The following GSAP variants were observed in gnomAD, a reference collection of about 807,000 sequenced individuals.
The protein encoded by GSAP is gamma-secretase activating protein.
GSAP carries 118 observed loss-of-function variants against 131.7 expected under a neutral mutation model. The observed-to-expected ratio is 0.90, with a 90% CI of 0.77 to 1.04. The LOEUF is 1.04. GSAP is among the 50% of genes least tolerant of loss of function. The pLI, the probability that GSAP is intolerant of heterozygous loss-of-function variation, is 0.00. For missense variants in GSAP, 1,019 were observed against 1,013.2 expected, an observed-to-expected ratio of 1.01 and a Z score of -0.08; for synonymous variants, 381 against 363.4, an observed-to-expected ratio of 1.05 and a Z score of -0.55.
chr7:77,335,823 C>G (rs1210722467), intron 19 of GSAP, among the ~76,000 whole-genome samples: 1 of 152,238 alleles, frequency 6.6e-6, no homozygotes, highest in Admixed American at 6.5e-5. Flanking sequence ...TCAACTAGCA[C>G]AGCTAAAGCA....
chr7:77,381,126 A>T (rs2151033546), intron 8 of GSAP, among the ~76,000 whole-genome samples, 179 bp downstream of exon 8: 1 of 152,332 alleles, frequency 6.6e-6, no homozygotes, highest in African/African-American at 2.4e-5. Context: ...GAAAAAGGGG[A>T]TAATTAACTT....
At chr7:77,394,211 T>C (rs1447196491) in intron 5 of GSAP, among the ~76,000 whole-genome samples, 1 of 152,220 alleles carries the variant, frequency 6.6e-6, no homozygotes, top group Non-Finnish European at 1.5e-5. Context: ...ACCTTTACAA[T>C]GGCCTCCTTG....
intron 19 of GSAP, among the ~76,000 whole-genome samples, chr7:77,343,988 GC>G (rs1287121160): frequency 1.3e-5 from 2 of 152,100 alleles, no homozygotes; most frequent in African/African-American, 4.8e-5. Context: ...TTGAGGATTT[GC>G]CCCTGCCCAG....
chr7:77,393,128 A>T lies in GSAP; in HGVS notation c.367+3854T>A, dbSNP rs558118880. On this transcript the variant is annotated intron_variant, in intron 5 of 30. Transcript: ENST00000257626. ...ATCAAAGAACCCTGTTTACAAAAAA[A>T]TGGTACAATTTGTCTCATCTACAGT... Among the ~76,000 whole-genome samples, 3 of 152,332 alleles carry T rather than the reference A, an allele frequency of 2.0e-5. No homozygotes were observed. The South Asian group carries it at 6.2e-4, about 32-fold the overall frequency.
chr7:77,348,680 T>TC (rs764709086), intron 19 of GSAP, among the ~76,000 whole-genome samples: 2 of 152,034 alleles, frequency 1.3e-5, no homozygotes, highest in Admixed American at 1.3e-4. Flanking sequence ...GCTAAAACAC[T>TC]CCCCCTAGTT....
chr7:77,362,626 G>A lies in GSAP; in HGVS notation c.906C>T (p.Ala302=). 1.3e-6 allele frequency: 2 copies of A among 1,584,704 alleles called. No homozygotes were observed. The highest frequency in any genetic ancestry group is 1.7e-6 in the Non-Finnish European group (2 of 1,153,852). The change falls in exon 13 of 31, where the codon GCC becomes GCT. Residue 302 remains alanine, a synonymous_variant. Coordinates refer to ENST00000257626, the MANE Select transcript of GSAP (RefSeq NM_017439.4). ...CTGAATATGTGATTTGTCCCCAAGA[G>A]GCACACTTCGGGCTGTAACATACAC... ...SLCVCYSPKC[A]SWGQITYSVF...
At chr7:77,335,480 T>C (rs1266936291) in intron 19 of GSAP, among the ~76,000 whole-genome samples, 2 of 152,166 alleles carry the variant, frequency 1.3e-5, no homozygotes, top group African/African-American at 2.4e-5. Flanking sequence ...CCTGGAAGCA[T>C]TTTCCTACAT....
intron 19 of GSAP, chr7:77,330,599 T>C (rs961394943): frequency 1.5e-5 from 17 of 1,121,416 alleles, no homozygotes; most frequent in African/African-American, 1.5e-4. Flanking sequence ...TTTTTGTCGT[T>C]GTTTTTTTAA....
intron 27 of GSAP, among the ~76,000 whole-genome samples, chr7:77,313,804 C>T (rs1794677770): frequency 1.3e-5 from 2 of 152,162 alleles, no homozygotes; most frequent in African/African-American, 4.8e-5. Context: ...ATGACAAATG[C>T]TTTCATATAA....
rs746467779 is a variant in GSAP at position 77,352,902 on chromosome 7, A to G, written c.1491+42T>C. 5 of 1,139,404 alleles carry G rather than the reference A, an allele frequency of 4.4e-6. No homozygotes were observed. In the South Asian group the frequency reaches 6.3e-5, roughly 14 times the overall value. The allele number at this position is 1,139,404 out of a possible 1,614,324, so 70.6% of individuals were successfully genotyped here. A position where few individuals can be genotyped will look rare whatever the true frequency, so the allele number is the denominator to read the frequency against. ...GTCCAACAACTGACCCACAACTGTG[A>G]ATTGATTTTATTTGCATACAGCATA... On this transcript the variant is annotated intron_variant, in intron 18 of 30. Transcript: ENST00000257626.
intron 5 of GSAP, among the ~76,000 whole-genome samples, chr7:77,390,756 TAAAAATA>T (rs1478336434): frequency 1.3e-5 from 2 of 148,380 alleles, no homozygotes; most frequent in Admixed American, 1.3e-4. Context: ...AGTATAATAA[TAAAAATA>T]AAAAATAAAA....
chr7:77,353,077 A>G lies in GSAP; in HGVS notation c.1409-51T>C, dbSNP rs138938684. The G allele has an allele frequency of 3.6e-4, 358 of 994,300 alleles. 2 individuals carry two copies. The African/African-American group carries it at 4.9e-3, about 14-fold the overall frequency. The allele number at this position is 994,300 out of a possible 1,614,324, so 61.6% of individuals were successfully genotyped here. A position where few individuals can be genotyped will look rare whatever the true frequency, so the allele number is the denominator to read the frequency against. On this transcript the variant is annotated intron_variant, in intron 17 of 30. Transcript: ENST00000257626. The stretch of plus-strand genomic sequence containing the variant: ...GGGAAAAAAGATGTGGTTTAATAAG[A>G]TGATGACAGCATTGTAATGCAACCA...
chr7:77,373,980 T>G, intron 12 of GSAP, 90 bp downstream of exon 12: 1 of 744,076 alleles, frequency 1.3e-6, no homozygotes, highest in South Asian at 1.5e-5. Flanking sequence ...CTCTGTTCTA[T>G]TTTCAGACTC....
chr7:77,373,457 C>T (rs1796425058), intron 12 of GSAP, among the ~76,000 whole-genome samples: 1 of 152,164 alleles, frequency 6.6e-6, no homozygotes, highest in Non-Finnish European at 1.5e-5. Context: ...ATGGCTATTA[C>T]ATGCAGTTAT....
At chr7:77,321,439 A>C in intron 24 of GSAP, 36 bp from the exon 25 acceptor site, 1 of 1,387,620 alleles carries the variant, frequency 7.2e-7, no homozygotes. Flanking sequence ...CCATTGCTCC[A>C]TTCCTTCCCT....
At chr7:77,398,083 G>A (rs1194877001) in intron 3 of GSAP, among the ~76,000 whole-genome samples, 1 of 152,170 alleles carries the variant, frequency 6.6e-6, no homozygotes, top group Non-Finnish European at 1.5e-5. Flanking sequence ...AGGATGTGAT[G>A]TAGAGATTGA....
At chr7:77,381,408 C>A in intron 7 of GSAP, 54 bp from the exon 8 acceptor site, 1 of 864,730 alleles carries the variant, frequency 1.2e-6, no homozygotes, top group Non-Finnish European at 1.8e-6. Flanking sequence ...TATATGAGTA[C>A]TATTTTTGCC....
At chr7:77,386,866 G>A (rs148435073) in intron 6 of GSAP, among the ~76,000 whole-genome samples, 2 of 152,292 alleles carry the variant, frequency 1.3e-5, no homozygotes, top group Admixed American at 6.5e-5. Flanking sequence ...AATAACTGAC[G>A]AAGTACTATA....
chr7:77,387,678 GC>G (rs979427852), intron 5 of GSAP, among the ~76,000 whole-genome samples: 2 of 152,096 alleles, frequency 1.3e-5, no homozygotes, highest in Non-Finnish European at 2.9e-5. Context: ...AGAGCAATCA[GC>G]CCAGCAAAGG....
Sources: allele counts gnomAD v4.1 joint callset (sites outside exome capture counted in the v4.1 genomes callset), GRCh38; gene constraint gnomAD v4.1.1; transcripts MANE v1.5; gene names NCBI Gene and HGNC (gene_info 2026-07-23, HGNC 2026-07-21).